The following ZNF475 variants were observed in gnomAD, a reference collection of about 807,000 sequenced individuals.
ZNF475 encodes the protein zinc finger protein 475.
At chr5:122,166,331 T>G in the ZNF475 span, among the ~76,000 whole-genome samples, 4 of 152,242 alleles carry the variant, frequency 2.6e-5, no homozygotes, top group Admixed American at 2.0e-4. Flanking sequence ...GATAAGAAAC[T>G]GGTCAGTTAT....
the ZNF475 span, among the ~76,000 whole-genome samples, chr5:122,177,911 C>T: frequency 1.3e-5 from 2 of 152,004 alleles, no homozygotes; most frequent in East Asian, 1.9e-4. Context: ...CCGCCCCCAA[C>T]AGGCCCCAGT....
chr5:122,168,841 A>G, the ZNF475 span, among the ~76,000 whole-genome samples: 1 of 152,286 alleles, frequency 6.6e-6, no homozygotes, highest in African/African-American at 2.4e-5. Context: ...TCTCTATCCA[A>G]AACAGCATAA....
chr5:122,164,738 G>C, the ZNF475 span, among the ~76,000 whole-genome samples: 1 of 152,126 alleles, frequency 6.6e-6, no homozygotes, highest in Admixed American at 6.5e-5. Flanking sequence ...TGCACATCTG[G>C]AGAGTAGTTT....
chr5:122,162,634 C>A, the ZNF475 span, among the ~76,000 whole-genome samples: 2 of 152,050 alleles, frequency 1.3e-5, no homozygotes, highest in Admixed American at 6.6e-5. Context: ...AGAAATGAGT[C>A]TCTGGTGGCC....
the ZNF475 span, among the ~76,000 whole-genome samples, chr5:122,165,342 A>G: frequency 6.6e-6 from 1 of 152,204 alleles, no homozygotes. Context: ...TGGACTAGCA[A>G]ACTATACTGG....
At chr5:122,175,853 A>G in the ZNF475 span, among the ~76,000 whole-genome samples, 2 of 152,144 alleles carry the variant, frequency 1.3e-5, no homozygotes, top group East Asian at 3.8e-4. Flanking sequence ...TATAAACAAC[A>G]ACAAAACAAA....
At chr5:122,161,207 GACCTACA>G in the ZNF475 span, among the ~76,000 whole-genome samples, 1 of 152,156 alleles carries the variant, frequency 6.6e-6, no homozygotes, top group Non-Finnish European at 1.5e-5. Context: ...AGAAAGAAAT[GACCTACA>G]AATTGAAGAA....
chr5:122,177,325 C>T, the ZNF475 span, among the ~76,000 whole-genome samples: 2 of 152,200 alleles, frequency 1.3e-5, no homozygotes, highest in African/African-American at 4.8e-5. Context: ...ATAGTGTTAA[C>T]AATGTCTGTT....
At chr5:122,181,016 C>T in the ZNF475 span, among the ~76,000 whole-genome samples, 3 of 152,108 alleles carry the variant, frequency 2.0e-5, no homozygotes, top group African/African-American at 4.8e-5. Flanking sequence ...TTATCACTTT[C>T]TCTGCTTGAC....
the ZNF475 span, among the ~76,000 whole-genome samples, chr5:122,174,331 T>G: frequency 2.0e-5 from 3 of 152,206 alleles, no homozygotes; most frequent in Non-Finnish European, 4.4e-5. Flanking sequence ...ATTGCTCAGC[T>G]TTCCCTGGAA....
the ZNF475 span, among the ~76,000 whole-genome samples, chr5:122,172,497 T>C: frequency 1.3e-5 from 2 of 152,208 alleles, no homozygotes; most frequent in African/African-American, 4.8e-5. Context: ...TTTTAGGGAA[T>C]CTACCAATCA....
the ZNF475 span, among the ~76,000 whole-genome samples, chr5:122,177,601 T>C: frequency 1.3e-5 from 2 of 152,150 alleles, no homozygotes; most frequent in African/African-American, 4.8e-5. Context: ...TCAAATAATA[T>C]AGTTTAATCT....
At chr5:122,168,576 G>A in the ZNF475 span, among the ~76,000 whole-genome samples, 1 of 152,188 alleles carries the variant, frequency 6.6e-6, no homozygotes, top group South Asian at 2.1e-4. Flanking sequence ...AGCCAGGCAT[G>A]GCGGCCGGCG....
At chr5:122,178,357 A>C in the ZNF475 span, among the ~76,000 whole-genome samples, 298 of 152,304 alleles carry the variant, frequency 2.0e-3, 1 homozygote, top group Middle Eastern at 3.4e-3. Context: ...TTATACTTGC[A>C]CCAACAGTGT....
the ZNF475 span, among the ~76,000 whole-genome samples, chr5:122,168,290 C>G: frequency 6.6e-6 from 1 of 152,192 alleles, no homozygotes; most frequent in Non-Finnish European, 1.5e-5. Flanking sequence ...GTGATCCGCC[C>G]GCCTCGGCCT....
At chr5:122,171,176 G>A in the ZNF475 span, among the ~76,000 whole-genome samples, 1 of 151,858 alleles carries the variant, frequency 6.6e-6, no homozygotes, top group Non-Finnish European at 1.5e-5. Flanking sequence ...TAAGGAATTT[G>A]CAGAAAATAA....
the ZNF475 span, among the ~76,000 whole-genome samples, chr5:122,174,077 C>G: frequency 1.3e-5 from 2 of 152,222 alleles, no homozygotes; most frequent in Admixed American, 1.3e-4. Flanking sequence ...CTCAGCCACC[C>G]TTCCACTGCC....
the ZNF475 span, among the ~76,000 whole-genome samples, chr5:122,170,459 T>C: frequency 0.053 from 8,083 of 152,252 alleles, 722 homozygotes; most frequent in African/African-American, 0.18. Context: ...TTCATCGTGT[T>C]ATTTATGTTA....
chr5:122,163,808 T>G, the ZNF475 span, among the ~76,000 whole-genome samples: 1 of 152,228 alleles, frequency 6.6e-6, no homozygotes, highest in African/African-American at 2.4e-5. Context: ...CACAGCGTCT[T>G]GGAAATCGGT....
Sources: gnomAD v4.1 joint callset for allele counts (sites outside exome capture counted in the v4.1 genomes callset) on GRCh38, gnomAD v4.1.1 for gene constraint, MANE v1.5 for transcripts, NCBI Gene and HGNC (gene_info 2026-07-23, HGNC 2026-07-21) for gene names.